The following PRKN variants were observed in gnomAD, a reference collection of about 807,000 sequenced individuals.
The protein encoded by PRKN is parkin RBR E3 ubiquitin protein ligase, also known as E3 ubiquitin-protein ligase parkin.
In PRKN, 56 loss-of-function variants were observed where a neutral mutation model predicts 59.5. The observed-to-expected ratio is 0.94, with a 90% CI of 0.76 to 1.18. PRKN has a LOEUF of 1.18. Ranked by LOEUF, PRKN falls within the 50% of genes most tolerant of loss-of-function variation. The pLI is 0.00. For missense variants in PRKN, 657 were observed against 596.4 expected (o/e 1.10, Z -1.06); for synonymous variants, 250 against 222.1 (o/e 1.13, Z -1.12).
chr6:162,504,252 G>C (rs1179828790), intron 1 of PRKN, among the ~76,000 whole-genome samples: 4 of 152,174 alleles, frequency 2.6e-5, no homozygotes, highest in Non-Finnish European at 4.4e-5. Context: ...GAGCATACTT[G>C]CTAATACGAG....
At chr6:162,381,666 C>T (rs1014606235) in intron 2 of PRKN, among the ~76,000 whole-genome samples, 2 of 152,176 alleles carry the variant, frequency 1.3e-5, no homozygotes, top group Non-Finnish European at 2.9e-5. Context: ...CTGTCCCCCC[C>T]ACTATCTCTT....
intron 9 of PRKN, among the ~76,000 whole-genome samples, chr6:161,515,630 G>C (rs1394912290): frequency 6.6e-6 from 1 of 152,132 alleles, no homozygotes; most frequent in East Asian, 1.9e-4. Context: ...TCCTCCTTAG[G>C]ACTGATTTAA....
intron 2 of PRKN, among the ~76,000 whole-genome samples, chr6:162,315,017 T>C (rs1702608156): frequency 1.3e-5 from 2 of 152,174 alleles, no homozygotes; most frequent in Admixed American, 1.3e-4. Context: ...AAAATTAGTA[T>C]TTTGGTGGTT....
intron 4 of PRKN, among the ~76,000 whole-genome samples, chr6:162,137,201 G>T (rs1249951044): frequency 2.6e-5 from 4 of 152,098 alleles, no homozygotes; most frequent in African/African-American, 9.7e-5. Flanking sequence ...TTAATTTGGA[G>T]GTCTGGCTGG....
chr6:162,286,111 A>G (rs754721042), intron 2 of PRKN, among the ~76,000 whole-genome samples: 1 of 152,162 alleles, frequency 6.6e-6, no homozygotes, highest in African/African-American at 2.4e-5. Context: ...CACAGCCAAA[A>G]TTTTAAAATG....
chr6:161,787,667 C>A (rs951966378), intron 6 of PRKN, among the ~76,000 whole-genome samples: 3 of 152,198 alleles, frequency 2.0e-5, no homozygotes, highest in Non-Finnish European at 2.9e-5. Flanking sequence ...AGCTTAGAGG[C>A]CAGGCGTGGT....
intron 2 of PRKN, among the ~76,000 whole-genome samples, chr6:162,347,424 G>A (rs1289110330): frequency 6.6e-6 from 1 of 151,472 alleles, no homozygotes; most frequent in African/African-American, 2.4e-5. Flanking sequence ...TTACTTAAGA[G>A]GTTTTCTTAA....
chr6:161,636,257 G>T (rs1429275133), intron 7 of PRKN, among the ~76,000 whole-genome samples: 1 of 152,254 alleles, frequency 6.6e-6, no homozygotes, highest in African/African-American at 2.4e-5. Context: ...CCACAGCTCT[G>T]TGCAGGATGT....
chr6:162,066,457 T>C (rs75982881), intron 4 of PRKN, among the ~76,000 whole-genome samples: 220 of 152,314 alleles, frequency 1.4e-3, no homozygotes, highest in African/African-American at 5.0e-3. Context: ...AATTCATGTG[T>C]TGGAAACTGA....
At chr6:161,726,508 T>C (rs1446091839) in intron 7 of PRKN, among the ~76,000 whole-genome samples, 1 of 152,228 alleles carries the variant, frequency 6.6e-6, no homozygotes, top group Non-Finnish European at 1.5e-5. Flanking sequence ...GGAGTCATCT[T>C]GATCTTGAAT....
intron 2 of PRKN, among the ~76,000 whole-genome samples, chr6:162,316,534 T>A (rs1782760462): frequency 6.6e-6 from 1 of 152,202 alleles, no homozygotes. Context: ...CACTGTTCTT[T>A]CTTTCATGCA....
At chr6:161,764,170 CCT>C (rs1413156023) in intron 7 of PRKN, among the ~76,000 whole-genome samples, 1 of 152,146 alleles carries the variant, frequency 6.6e-6, no homozygotes, top group African/African-American at 2.4e-5. Context: ...CCTTTCTTCC[CCT>C]GTCCTGCCTC....
chr6:161,535,279 T>A (rs2115394753), intron 9 of PRKN, among the ~76,000 whole-genome samples: 1 of 152,306 alleles, frequency 6.6e-6, no homozygotes, highest in East Asian at 1.9e-4. Flanking sequence ...GTCTAATTTC[T>A]CATGCCTGGG....
chr6:162,553,734 G>A (rs1397681832), intron 1 of PRKN, among the ~76,000 whole-genome samples: 3 of 139,322 alleles, frequency 2.2e-5, no homozygotes, highest in African/African-American at 7.8e-5. Context: ...ACTTGGAGGC[G>A]GAGGTTGCAG....
intron 2 of PRKN, among the ~76,000 whole-genome samples, chr6:162,283,928 G>T (rs975343874): frequency 1.3e-5 from 2 of 152,038 alleles, no homozygotes; most frequent in African/African-American, 4.8e-5. Context: ...AATTTTACCT[G>T]AACAATATTC....
intron 1 of PRKN, chr6:162,568,497 G>A (rs985372765): frequency 2.9e-5 from 20 of 679,874 alleles, no homozygotes; most frequent in East Asian, 2.1e-4. Context: ...AGGCATCACC[G>A]CCGTTGTGGT....
intron 9 of PRKN, among the ~76,000 whole-genome samples, chr6:161,509,502 G>A (rs1562494372): frequency 6.6e-6 from 1 of 152,040 alleles, no homozygotes; most frequent in African/African-American, 2.4e-5. Context: ...TTTAAAGGAG[G>A]GGATGGCCTT....
intron 4 of PRKN, among the ~76,000 whole-genome samples, chr6:162,117,499 C>T (rs1780724480): frequency 6.6e-6 from 1 of 152,182 alleles, no homozygotes; most frequent in Non-Finnish European, 1.5e-5. Flanking sequence ...GCCAAGTCTC[C>T]CTCAGCAGGT....
intron 1 of PRKN, among the ~76,000 whole-genome samples, chr6:162,676,350 T>G (rs992881396): frequency 3.5e-5 from 5 of 144,398 alleles, no homozygotes; most frequent in African/African-American, 1.3e-4. Context: ...TTATTGGAAA[T>G]ATCAAAAAAA....
Sources: allele counts gnomAD v4.1 joint callset (sites outside exome capture counted in the v4.1 genomes callset), GRCh38; gene constraint gnomAD v4.1.1; transcripts MANE v1.5; gene names NCBI Gene and HGNC (gene_info 2026-07-23, HGNC 2026-07-21).